Variants in TMC1 observed in about 807,000 individuals in gnomAD.
TMC1 encodes transmembrane channel-like protein 1.
A neutral mutation model predicts 105.8 loss-of-function variants in TMC1; 84 were observed. The observed-to-expected ratio is 0.79, with a 90% CI of 0.67 to 0.95. The LOEUF (loss-of-function observed/expected upper bound fraction) is 0.95. Among genes scored for constraint, TMC1 ranks in the 40% least tolerant of loss-of-function variants. The pLI, the probability that TMC1 is intolerant of heterozygous loss-of-function variation, is 0.00. For synonymous variants in TMC1, 315 were observed against 311.5 expected (o/e 1.01, Z -0.12); for missense variants, 817 against 914.1 (o/e 0.89, Z 1.37).
intron 11 of TMC1, among the ~76,000 whole-genome samples, chr9:72,753,971 G>C (rs1243943502): frequency 2.0e-5 from 3 of 152,160 alleles, no homozygotes; most frequent in Non-Finnish European, 2.9e-5. Context: ...TGTGCACAGG[G>C]AGTGAGCAGA....
rs373823051 is a variant in TMC1, at chr9:72,742,545, C to T, written c.535+20C>T. On this transcript the variant is annotated intron_variant, in intron 10 of 23. Coordinates refer to ENST00000297784, the MANE Select transcript of TMC1 (RefSeq NM_138691.3). ...TTGAAAGTAAGTCCTTATCAGATCT[C>T]AGGTGGAGAAGGTTGTCTTAGAGAA... is the stretch of plus-strand genomic sequence containing the variant. 3.1e-6 allele frequency: 5 copies of T among 1,595,312 alleles called. No individual in the cohort carries two copies. Among genetic ancestry groups the T allele is most frequent in the African/African-American group, 1.3e-5 (1 of 74,550 alleles).
chr9:72,805,328 T>G (rs1828553708), intron 17 of TMC1, 54 bp from the exon 18 acceptor site: 2 of 1,603,252 alleles, frequency 1.2e-6, no homozygotes, highest in Non-Finnish European at 1.7e-6. Flanking sequence ...ATACCAACAC[T>G]AGGACCATTT....
intron 18 of TMC1, among the ~76,000 whole-genome samples, chr9:72,814,985 A>G (rs1828761405): frequency 7.0e-6 from 1 of 143,806 alleles, no homozygotes; most frequent in Non-Finnish European, 1.5e-5. Context: ...TGTGGTCTGA[A>G]GCACACCTGG....
chr9:72,691,535 G>A (rs972504573), intron 6 of TMC1, among the ~76,000 whole-genome samples: 3 of 152,156 alleles, frequency 2.0e-5, no homozygotes, highest in Non-Finnish European at 2.9e-5. Flanking sequence ...TGTATGCATC[G>A]TCTCTGGACT....
intron 4 of TMC1, among the ~76,000 whole-genome samples, chr9:72,632,555 C>G (rs965712396): frequency 6.6e-6 from 1 of 151,852 alleles, no homozygotes; most frequent in African/African-American, 2.4e-5. Context: ...GAATGGAGTT[C>G]GAAGATACAT....
At chr9:72,620,963 G>T (rs1193627553) in intron 3 of TMC1, among the ~76,000 whole-genome samples, 2 of 152,176 alleles carry the variant, frequency 1.3e-5, no homozygotes, top group African/African-American at 4.8e-5. Flanking sequence ...CTGTGTCAAA[G>T]AACTTTTCAC....
intron 2 of TMC1, among the ~76,000 whole-genome samples, chr9:72,615,896 G>T (rs1417475457): frequency 6.6e-6 from 1 of 151,982 alleles, no homozygotes; most frequent in Non-Finnish European, 1.5e-5. Context: ...TGGGCTACAG[G>T]CGTCCGTCAC....
At chr9:72,698,645 TC>T (rs1826591039) in intron 7 of TMC1, among the ~76,000 whole-genome samples, 1 of 152,162 alleles carries the variant, frequency 6.6e-6, no homozygotes, top group Non-Finnish European at 1.5e-5. Context: ...CACTAAAGTA[TC>T]ATAGTGACGG....
chr9:72,533,950 T>C lies in TMC1; in HGVS notation c.-428+12037T>C, dbSNP rs940436105. Among the ~76,000 whole-genome samples the C allele has an allele frequency of 1.6e-4, 24 of 152,212 alleles. 1 individual carries two copies. The highest frequency in any genetic ancestry group is 1.4e-3 in the Admixed American group (22 of 15,284). ...GACTTTAAGACCAGCCTGGCCATCATGGTGAAACTCCATCTCTATTGCAAA... is the reference window on the plus strand; with the variant it reads ...GACTTTAAGACCAGCCTGGCCATCACGGTGAAACTCCATCTCTATTGCAAA... On this transcript the variant is annotated intron_variant, in intron 1 of 23. Coordinates refer to ENST00000297784, the MANE Select transcript of TMC1 (RefSeq NM_138691.3).
At chr9:72,590,617 T>C (rs551867660) in intron 2 of TMC1, among the ~76,000 whole-genome samples, 1 of 152,316 alleles carries the variant, frequency 6.6e-6, no homozygotes, top group Admixed American at 6.5e-5. Context: ...ATTCAACACA[T>C]ATTCGTTGGG....
intron 18 of TMC1, among the ~76,000 whole-genome samples, chr9:72,810,477 A>C (rs1490084215): frequency 6.6e-6 from 1 of 152,226 alleles, no homozygotes; most frequent in Non-Finnish European, 1.5e-5. Context: ...TAAAAATCAT[A>C]GGTAATCTCT....
rs146308478 is a variant in TMC1, at chr9:72,702,420, C to T, written c.362+1777C>T. Among the ~76,000 whole-genome samples, 10 of 152,098 alleles carry T rather than the reference C, an allele frequency of 6.6e-5. No individual in the cohort carries two copies. In the East Asian group the frequency reaches 1.9e-3, roughly 29 times the overall value. On this transcript the variant is annotated intron_variant, in intron 8 of 23. Transcript: ENST00000297784. ...TTGATCGAGTTGTGTAGTCTCTCTA[C>T]ACAACTCAGGTTCCTTATGAAATTG...
chr9:72,816,508 T>G (rs1227712275), intron 19 of TMC1, among the ~76,000 whole-genome samples: 1 of 152,198 alleles, frequency 6.6e-6, no homozygotes, highest in Non-Finnish European at 1.5e-5. Context: ...GGATCTAATA[T>G]TAAAACATTA....
chr9:72,635,099 A>G (rs1825511755), intron 4 of TMC1, among the ~76,000 whole-genome samples: 2 of 152,086 alleles, frequency 1.3e-5, no homozygotes, highest in Non-Finnish European at 2.9e-5. Flanking sequence ...TTTACTAAAA[A>G]GAGATTAGCC....
intron 2 of TMC1, among the ~76,000 whole-genome samples, chr9:72,610,796 A>T (rs1012854388): frequency 4.3e-4 from 65 of 152,238 alleles, no homozygotes; most frequent in African/African-American, 1.4e-3. Context: ...GTAACACCTC[A>T]CAGAGGAGAG....
chr9:72,691,348 G>C (rs938677264), intron 6 of TMC1, among the ~76,000 whole-genome samples: 8 of 151,992 alleles, frequency 5.3e-5, no homozygotes, highest in African/African-American at 1.9e-4. Context: ...TCTGTTGTTT[G>C]GGGTATGTTT....
intron 8 of TMC1, among the ~76,000 whole-genome samples, chr9:72,731,531 G>A (rs556581566): frequency 2.0e-5 from 3 of 152,186 alleles, no homozygotes; most frequent in Non-Finnish European, 4.4e-5. Context: ...AAATCAACTT[G>A]CAGCCAGCCT....
intron 1 of TMC1, among the ~76,000 whole-genome samples, chr9:72,548,513 T>C (rs1823808283): frequency 6.6e-6 from 1 of 151,014 alleles, no homozygotes; most frequent in South Asian, 2.1e-4. Context: ...GGGAGGTTCA[T>C]TCAAGATCAC....
chr9:72,658,977 T>C (rs1393767031), intron 5 of TMC1, among the ~76,000 whole-genome samples: 2 of 152,218 alleles, frequency 1.3e-5, no homozygotes, highest in African/African-American at 2.4e-5. Context: ...CAAAAGTGCT[T>C]AACTTTTTGC....
Sources: allele counts gnomAD v4.1 joint callset (sites outside exome capture counted in the v4.1 genomes callset), GRCh38; gene constraint gnomAD v4.1.1; transcripts MANE v1.5; gene names NCBI Gene and HGNC (gene_info 2026-07-23, HGNC 2026-07-21).